The following PRKAR1B variants were observed in gnomAD, a reference collection of about 807,000 sequenced individuals.
PRKAR1B encodes the protein protein kinase cAMP-dependent type I regulatory subunit beta, also known as cAMP-dependent protein kinase type I-beta regulatory subunit.
In PRKAR1B, 22 loss-of-function variants were observed where a neutral mutation model predicts 46.5. The ratio of observed to expected loss-of-function variants is 0.47; its 90% confidence interval spans 0.34 to 0.68. The LOEUF (loss-of-function observed/expected upper bound fraction) is 0.68. PRKAR1B is among the 30% of genes least tolerant of loss of function. The probability of loss-of-function intolerance (pLI) is 0.01; values close to 1 mark genes in which losing one functional copy is unlikely to be tolerated. For synonymous variants in PRKAR1B, 259 were observed against 217.7 expected, an observed-to-expected ratio of 1.19 and a Z score of -1.67; for missense variants, 445 against 535.6, an observed-to-expected ratio of 0.83 and a Z score of 1.67.
At chr7:681,323 T>TAAAAAAA (rs1159377371) in intron 2 of PRKAR1B, among the ~76,000 whole-genome samples, 22 of 114,270 alleles carry the variant, frequency 1.9e-4, no homozygotes, top group Non-Finnish European at 2.8e-4. Flanking sequence ...CCTGTCTCTA[T>TAAAAAAA]AAAAAAAAAA....
chr7:640,731 C>G (rs1784343737), intron 4 of PRKAR1B, among the ~76,000 whole-genome samples: 1 of 151,100 alleles, frequency 6.6e-6, no homozygotes, highest in Admixed American at 6.6e-5. Flanking sequence ...CCATTGCACT[C>G]CAGCCTGGGC....
At chr7:584,432 A>C in intron 8 of PRKAR1B, 76 bp downstream of exon 8, 7 of 1,254,788 alleles carry the variant, frequency 5.6e-6, no homozygotes, top group Non-Finnish European at 8.1e-6. Flanking sequence ...CACGCAGGGA[A>C]TGGGGAAGAG....
At chr7:702,264 T>A (rs1201648101) in intron 2 of PRKAR1B, among the ~76,000 whole-genome samples, 1 of 147,570 alleles carries the variant, frequency 6.8e-6, no homozygotes, top group Non-Finnish European at 1.5e-5. Flanking sequence ...TACTAAAAAA[T>A]AATCAAATAA....
chr7:611,219 G>A (rs1782463492), intron 4 of PRKAR1B, among the ~76,000 whole-genome samples: 1 of 152,242 alleles, frequency 6.6e-6, no homozygotes, highest in Non-Finnish European at 1.5e-5. Flanking sequence ...TATAGGGGCA[G>A]AGCCCTCCTC....
At position 706,422 on chromosome 7, in the gene PRKAR1B, A is replaced by ATTTTTTTTTTTTTTTTTTT. The variant is rs33963335; in HGVS notation, c.177+4888_177+4906dup. ...GCTGTGTTTTGCCATCAAATAAGGA[A>ATTTTTTTTTTTTTTTTTTT]TTTTTTTTTTTTTTTTTTTGAGACG... On this transcript the variant is annotated intron_variant, in intron 2 of 10. Coordinates refer to ENST00000537384, the MANE Select transcript of PRKAR1B (RefSeq NM_001164760.2). Among the ~76,000 whole-genome samples, 16 of 102,308 alleles carry ATTTTTTTTTTTTTTTTTTT rather than the reference A, an allele frequency of 1.6e-4. 2 individuals are homozygous for ATTTTTTTTTTTTTTTTTTT. Among genetic ancestry groups the ATTTTTTTTTTTTTTTTTTT allele is most frequent in the African/African-American group, 1.5e-4 (4 of 25,852 alleles). The allele number at this position is 102,308 out of a possible 152,430, so 67.1% of individuals were successfully genotyped here.
intron 8 of PRKAR1B, among the ~76,000 whole-genome samples, chr7:583,658 GCGCACACACC>G (rs1780415097): frequency 8.4e-6 from 1 of 119,258 alleles, no homozygotes; most frequent in African/African-American, 3.6e-5. Flanking sequence ...GCACACCCAT[GCGCACACACC>G]CACACACAAC....
intron 4 of PRKAR1B, among the ~76,000 whole-genome samples, chr7:641,529 T>G (rs1040725797): frequency 3.3e-5 from 5 of 151,402 alleles, no homozygotes; most frequent in Admixed American, 2.0e-4. Context: ...AGCTCCAAAC[T>G]GAAAACAACC....
chr7:693,071 A>G (rs1296257078), intron 2 of PRKAR1B, among the ~76,000 whole-genome samples: 1 of 151,322 alleles, frequency 6.6e-6, no homozygotes, highest in Non-Finnish European at 1.5e-5. Context: ...AGTAGCTGGG[A>G]CCACAGGCGC....
chr7:619,417 A>G (rs1006191982), intron 4 of PRKAR1B, among the ~76,000 whole-genome samples: 17 of 152,194 alleles, frequency 1.1e-4, no homozygotes, highest in African/African-American at 4.1e-4. Flanking sequence ...AATTCTCACA[A>G]CAACCTTGTG....
chr7:552,688 C>G (rs1477441261), intron 9 of PRKAR1B, among the ~76,000 whole-genome samples: 1 of 152,204 alleles, frequency 6.6e-6, no homozygotes, highest in African/African-American at 2.4e-5. Flanking sequence ...GCCCCCCGCA[C>G]CTTTGCCGAG....
At chr7:566,384 T>C (rs1176955936) in intron 9 of PRKAR1B, among the ~76,000 whole-genome samples, 1 of 1,456 alleles carries the variant, frequency 6.9e-4, no homozygotes, top group South Asian at 0.015. Flanking sequence ...CATCACCTCA[T>C]CACCACCATC....
intron 9 of PRKAR1B, among the ~76,000 whole-genome samples, chr7:557,303 G>A (rs567458958): frequency 1.3e-5 from 2 of 152,320 alleles, no homozygotes; most frequent in African/African-American, 4.8e-5. Flanking sequence ...GCCACGACTC[G>A]GGAGGGCCAC....
intron 1 of PRKAR1B, among the ~76,000 whole-genome samples, chr7:723,652 C>T (rs551222879): frequency 1.4e-4 from 22 of 152,350 alleles, no homozygotes; most frequent in Non-Finnish European, 2.6e-4. Flanking sequence ...CCGACCAATC[C>T]GTTCAACGGA....
intron 7 of PRKAR1B, among the ~76,000 whole-genome samples, chr7:589,514 C>G (rs531858694): frequency 2.6e-5 from 4 of 152,070 alleles, no homozygotes; most frequent in Non-Finnish European, 4.4e-5. Flanking sequence ...AGGCACCTCC[C>G]GAGATCCACA....
At chr7:623,199 A>T (rs550542444) in intron 4 of PRKAR1B, among the ~76,000 whole-genome samples, 4 of 152,330 alleles carry the variant, frequency 2.6e-5, no homozygotes, top group South Asian at 2.1e-4. Flanking sequence ...TTCTCTCTAA[A>T]TAGCAATAAC....
At chr7:645,032 C>T (rs1017618327) in intron 4 of PRKAR1B, among the ~76,000 whole-genome samples, 4 of 152,178 alleles carry the variant, frequency 2.6e-5, no homozygotes, top group Admixed American at 6.5e-5. Context: ...CAAAGGGCCC[C>T]GTGATTCACT....
At chr7:641,437 A>C (rs940960037) in intron 4 of PRKAR1B, among the ~76,000 whole-genome samples, 3 of 152,200 alleles carry the variant, frequency 2.0e-5, no homozygotes, top group Non-Finnish European at 2.9e-5. Flanking sequence ...AGCTCCGAAC[A>C]GCAAACAACC....
At chr7:712,174 G>GCCCCCGGAGTGC (rs1780677320) in intron 1 of PRKAR1B, among the ~76,000 whole-genome samples, 1 of 142,118 alleles carries the variant, frequency 7.0e-6, no homozygotes, top group Non-Finnish European at 1.6e-5. Context: ...CCGCCACGCC[G>GCCCCCGGAGTGC]CCCCCGGAGT....
chr7:588,460 T>C (rs896018675), intron 7 of PRKAR1B, among the ~76,000 whole-genome samples: 43 of 146,164 alleles, frequency 2.9e-4, no homozygotes, highest in Admixed American at 1.6e-3. Context: ...GTGATGGTGA[T>C]GGTGGTGATG....
Sources: gnomAD v4.1 joint callset for allele counts (sites outside exome capture counted in the v4.1 genomes callset) on GRCh38, gnomAD v4.1.1 for gene constraint, MANE v1.5 for transcripts, NCBI Gene and HGNC (gene_info 2026-07-23, HGNC 2026-07-21) for gene names.